The following FRY variants were observed in gnomAD, a reference collection of about 807,000 sequenced individuals.
FRY encodes protein furry homolog.
FRY carries 128 observed loss-of-function variants against 348.4 expected under a neutral mutation model. The ratio of observed to expected loss-of-function variants is 0.37; its 90% CI spans 0.32 to 0.43. The LOEUF (loss-of-function observed/expected upper bound fraction) is 0.43, where lower values mean the gene tolerates loss of function less well. FRY is among the 20% of genes least tolerant of loss of function. The pLI, the probability that FRY is intolerant of heterozygous loss-of-function variation, is 1.00. For synonymous variants in FRY, 1,370 were observed against 1,374.7 expected (o/e 1.00, Z 0.08); for missense variants, 2,736 against 3,695.2 (o/e 0.74, Z 6.73).
chr13:32,053,051 C>T (rs71436461), intron 1 of FRY, among the ~76,000 whole-genome samples: 8,922 of 151,264 alleles, frequency 0.059, 377 homozygotes, highest in African/African-American at 0.11. Context: ...AGGCGGAGGT[C>T]GCAATGAGCT....
intron 35 of FRY, among the ~76,000 whole-genome samples, chr13:32,216,447 C>G (rs1884991878): frequency 6.6e-6 from 1 of 152,182 alleles, no homozygotes; most frequent in Non-Finnish European, 1.5e-5. Context: ...CCCTTTAAAT[C>G]CAACTCAAAA....
At chr13:32,082,487 G>T (rs1287774619) in intron 2 of FRY, among the ~76,000 whole-genome samples, 2 of 152,166 alleles carry the variant, frequency 1.3e-5, no homozygotes, top group African/African-American at 2.4e-5. Context: ...AGCTAATGGG[G>T]TCATCTGTGT....
intron 3 of FRY, among the ~76,000 whole-genome samples, chr13:32,112,259 T>C (rs915652778): frequency 6.6e-6 from 1 of 152,152 alleles, no homozygotes; most frequent in Admixed American, 6.5e-5. Flanking sequence ...TTTTTTTTAA[T>C]GCTCCTCTTT....
chr13:32,078,541 A>C (rs559800365), intron 1 of FRY, among the ~76,000 whole-genome samples: 1 of 152,352 alleles, frequency 6.6e-6, no homozygotes, highest in East Asian at 1.9e-4. Flanking sequence ...AATAAGCCAA[A>C]AACATCTTAA....
At chr13:32,083,877 C>G (rs1347995057) in intron 2 of FRY, among the ~76,000 whole-genome samples, 1 of 151,968 alleles carries the variant, frequency 6.6e-6, no homozygotes, top group Non-Finnish European at 1.5e-5. Flanking sequence ...CTCTCAGGGC[C>G]CACATCACTG....
At chr13:32,081,955 G>A (rs1052033200) in intron 2 of FRY, among the ~76,000 whole-genome samples, 3 of 151,988 alleles carry the variant, frequency 2.0e-5, no homozygotes, top group East Asian at 1.9e-4. Flanking sequence ...GAATTTATGC[G>A]GGTTTGTATC....
chr13:32,290,124 A>G (rs1469566318), intron 59 of FRY, among the ~76,000 whole-genome samples: 1 of 152,044 alleles, frequency 6.6e-6, no homozygotes, highest in Non-Finnish European at 1.5e-5. Flanking sequence ...CTTTGCCTTG[A>G]GGTAAGAAGG....
chr13:32,206,428 T>A (rs1415006702), intron 31 of FRY, among the ~76,000 whole-genome samples: 1 of 152,156 alleles, frequency 6.6e-6, no homozygotes, highest in Non-Finnish European at 1.5e-5. Context: ...TCGAGATTCA[T>A]TGGTAACTGT....
intron 11 of FRY, among the ~76,000 whole-genome samples, chr13:32,142,127 G>A (rs1880109673): frequency 6.6e-6 from 1 of 152,128 alleles, no homozygotes; most frequent in Admixed American, 6.5e-5. Flanking sequence ...AGCTGCTAAG[G>A]AAATACAAAG....
At chr13:32,227,241 T>C (rs970741073) in intron 39 of FRY, among the ~76,000 whole-genome samples, 6 of 152,256 alleles carry the variant, frequency 3.9e-5, no homozygotes, top group African/African-American at 1.4e-4. Context: ...AAATGTTCTT[T>C]TTTTATAAAT....
At chr13:32,269,564 T>C (rs1888105509) in intron 55 of FRY, among the ~76,000 whole-genome samples, 1 of 152,076 alleles carries the variant, frequency 6.6e-6, no homozygotes. Context: ...ATGGGGCACA[T>C]ACCTGTAATC....
chr13:32,208,126 G>A (rs1593741938), intron 31 of FRY, among the ~76,000 whole-genome samples: 1 of 152,060 alleles, frequency 6.6e-6, no homozygotes, highest in East Asian at 1.9e-4. Flanking sequence ...TTGGACTCAC[G>A]TGTCTCACAG....
intron 55 of FRY, among the ~76,000 whole-genome samples, chr13:32,273,626 C>T (rs548380515): frequency 2.6e-5 from 4 of 152,278 alleles, no homozygotes; most frequent in African/African-American, 7.2e-5. Flanking sequence ...CCTGACCAGA[C>T]GTGCCCTCAG....
At chr13:32,160,998 C>T in intron 16 of FRY, 146 bp from the exon 17 acceptor site, 1 of 661,894 alleles carries the variant, frequency 1.5e-6, no homozygotes, top group Non-Finnish European at 2.7e-6. Context: ...CTACAAAGGG[C>T]ATAAACATTT....
intron 15 of FRY, 103 bp from the exon 16 acceptor site, chr13:32,157,170 T>C: frequency 9.2e-7 from 1 of 1,089,362 alleles, no homozygotes; most frequent in Non-Finnish European, 1.4e-6. Context: ...AGGAAGTCAT[T>C]GACTCATAAG....
In FRY at chr13:32,252,169, G is replaced by A. The variant is rs192461647; in HGVS notation, c.7245+217G>A. 2.2e-3 allele frequency among the ~76,000 whole-genome samples: 338 copies of A among 152,010 alleles called. 5 individuals are homozygous for A. The highest frequency in any genetic ancestry group is 7.9e-3 in the African/African-American group (329 of 41,512). On this transcript the variant is annotated intron_variant, in intron 50 of 60. Coordinates refer to ENST00000542859, the MANE Select transcript of FRY (RefSeq NM_023037.3). ...GAAAGATCTTGCTGGCTGTTTGCTC[G>A]TTTGTCTGTGAATACTGTTTCTTTT...
chr13:32,053,360 GC>G (rs1873446102), intron 1 of FRY, among the ~76,000 whole-genome samples: 1 of 152,094 alleles, frequency 6.6e-6, no homozygotes, highest in Non-Finnish European at 1.5e-5. Context: ...ACACTCCTCA[GC>G]TTATCATTTG....
At chr13:32,059,880 A>G (rs78288828) in intron 1 of FRY, among the ~76,000 whole-genome samples, 3,864 of 152,268 alleles carry the variant, frequency 0.025, 163 homozygotes, top group African/African-American at 0.088. Context: ...ACCTCTGTCA[A>G]CTCTACAGAG....
At chr13:32,044,592 T>C (rs1026964265) in intron 1 of FRY, among the ~76,000 whole-genome samples, 1 of 152,216 alleles carries the variant, frequency 6.6e-6, no homozygotes, top group Non-Finnish European at 1.5e-5. Flanking sequence ...CCTCTCTTCT[T>C]GTTGGCAGCC....
Sources: allele counts gnomAD v4.1 joint callset (sites outside exome capture counted in the v4.1 genomes callset), GRCh38; gene constraint gnomAD v4.1.1; transcripts MANE v1.5; gene names NCBI Gene and HGNC (gene_info 2026-07-23, HGNC 2026-07-21).